The following ANKS1B variants were observed in gnomAD, a reference collection of about 807,000 sequenced individuals.
The protein encoded by ANKS1B is ankyrin repeat and sterile alpha motif domain containing 1B, also known as ankyrin repeat and sterile alpha motif domain-containing protein 1B.
ANKS1B carries 36 observed loss-of-function variants against 148.3 expected under a neutral mutation model. The observed-to-expected ratio is 0.24, with a 90% CI of 0.19 to 0.32. ANKS1B has a LOEUF of 0.32. Among genes scored for constraint, ANKS1B ranks in the 10% least tolerant of loss-of-function variants. The probability of loss-of-function intolerance (pLI) is 1.00; values close to 1 mark genes in which losing one functional copy is unlikely to be tolerated. For missense variants in ANKS1B, 1,157 were observed against 1,542.6 expected, an observed-to-expected ratio of 0.75 and a Z score of 4.19; for synonymous variants, 542 against 560.8, an observed-to-expected ratio of 0.97 and a Z score of 0.47.
intron 25 of ANKS1B, among the ~76,000 whole-genome samples, chr12:98,769,006 G>C (rs1356714405): frequency 6.6e-6 from 1 of 151,942 alleles, no homozygotes; most frequent in Non-Finnish European, 1.5e-5. Flanking sequence ...GATGATATCA[G>C]ATAAAAACAT....
rs149396414 is a variant in ANKS1B at position 99,123,988 on chromosome 12, T to C, written c.2526+30301A>G. ...GAGTGCTCAAGGGAAGAACAGAAGG[T>C]GATGAAATCAGACAGGAAGAGATGA... On this transcript the variant is annotated intron_variant, in intron 15 of 26. Transcript: ENST00000683438. Among the ~76,000 whole-genome samples the C allele has an allele frequency of 1.8e-4, 28 of 152,178 alleles. No homozygotes were observed. The East Asian group carries it at 5.2e-3, about 28-fold the overall frequency.
At chr12:98,992,852 T>A (rs1412266543) in intron 17 of ANKS1B, among the ~76,000 whole-genome samples, 2 of 152,240 alleles carry the variant, frequency 1.3e-5, no homozygotes, top group Non-Finnish European at 2.9e-5. Flanking sequence ...TTCACTAGAA[T>A]GAAAGCTCCA....
chr12:99,201,502 C>A (rs1055590657), intron 14 of ANKS1B, among the ~76,000 whole-genome samples: 5 of 152,126 alleles, frequency 3.3e-5, no homozygotes, highest in African/African-American at 1.2e-4. Context: ...CTTCTTATTT[C>A]TGGAACAGTT....
chr12:99,214,253 G>A (rs1372982084), intron 14 of ANKS1B, among the ~76,000 whole-genome samples: 1 of 152,110 alleles, frequency 6.6e-6, no homozygotes, highest in Non-Finnish European at 1.5e-5. Context: ...GCGTACATGG[G>A]AAATAACTTA....
intron 1 of ANKS1B, among the ~76,000 whole-genome samples, chr12:99,886,913 T>C (rs1278821820): frequency 6.6e-6 from 1 of 152,196 alleles, no homozygotes; most frequent in South Asian, 2.1e-4. Context: ...GCATGACTTA[T>C]AGATTACCTT....
chr12:99,821,024 C>A (rs1448992854), intron 2 of ANKS1B, among the ~76,000 whole-genome samples: 1 of 151,918 alleles, frequency 6.6e-6, no homozygotes, highest in Non-Finnish European at 1.5e-5. Context: ...TTTAAACTTG[C>A]AAAATCAAGA....
intron 12 of ANKS1B, among the ~76,000 whole-genome samples, chr12:99,301,269 A>G (rs139423369): frequency 6.6e-6 from 1 of 152,330 alleles, no homozygotes; most frequent in East Asian, 1.9e-4. Context: ...AATCTCTTCC[A>G]AAAGGACCCA....
chr12:99,293,223 CTA>C (rs1196555130), intron 12 of ANKS1B, among the ~76,000 whole-genome samples: 1 of 151,950 alleles, frequency 6.6e-6, no homozygotes, highest in Non-Finnish European at 1.5e-5. Flanking sequence ...AAGCTGGAAA[CTA>C]TCATTCTGAG....
chr12:99,047,412 A>T (rs1429626405), intron 17 of ANKS1B, among the ~76,000 whole-genome samples: 1 of 152,198 alleles, frequency 6.6e-6, no homozygotes, highest in Non-Finnish European at 1.5e-5. Context: ...AAAAACAAAA[A>T]AATTTAAGAG....
intron 8 of ANKS1B, among the ~76,000 whole-genome samples, chr12:99,724,962 AT>A: frequency 6.6e-6 from 1 of 152,330 alleles, no homozygotes; most frequent in Non-Finnish European, 1.5e-5. Context: ...ATACTGAGGG[AT>A]TTCATCACCA....
chr12:98,775,563 G>T (rs577716285), intron 24 of ANKS1B, among the ~76,000 whole-genome samples: 65 of 151,902 alleles, frequency 4.3e-4, no homozygotes, highest in African/African-American at 1.5e-3. Flanking sequence ...TCCCACCTCA[G>T]CCTCCTGAGT....
At chr12:99,762,785 G>C (rs1281047850) in intron 8 of ANKS1B, among the ~76,000 whole-genome samples, 1 of 152,038 alleles carries the variant, frequency 6.6e-6, no homozygotes, top group South Asian at 2.1e-4. Context: ...CTAATATCCA[G>C]AATCTATAAG....
chr12:98,970,508 C>G (rs59964236), intron 17 of ANKS1B, among the ~76,000 whole-genome samples: 2 of 152,190 alleles, frequency 1.3e-5, no homozygotes, highest in African/African-American at 2.4e-5. Context: ...TAGTTTTTTG[C>G]AATAATCTTA....
intron 25 of ANKS1B, among the ~76,000 whole-genome samples, chr12:98,752,531 G>T (rs1341112237): frequency 6.6e-6 from 1 of 152,080 alleles, no homozygotes; most frequent in Non-Finnish European, 1.5e-5. Context: ...TGCTGGGATT[G>T]CAGGAGTGAG....
chr12:98,887,304 A>G (rs1466026976), intron 17 of ANKS1B, among the ~76,000 whole-genome samples: 1 of 152,060 alleles, frequency 6.6e-6, no homozygotes, highest in East Asian at 1.9e-4. Context: ...CTTAAGTTCC[A>G]AGGTTTTTTA....
chr12:99,024,365 A>G (rs2099947525), intron 17 of ANKS1B, among the ~76,000 whole-genome samples: 1 of 152,164 alleles, frequency 6.6e-6, no homozygotes, highest in South Asian at 2.1e-4. Flanking sequence ...CTTAATATAT[A>G]ATGTGCTGTC....
chr12:99,829,823 C>T (rs181482505), intron 1 of ANKS1B, among the ~76,000 whole-genome samples: 146 of 151,912 alleles, frequency 9.6e-4, no homozygotes, highest in Non-Finnish European at 1.8e-3. Context: ...GAGTGAGATT[C>T]GGTCTCAAAA....
At chr12:99,138,440 C>A (rs528524986) in intron 15 of ANKS1B, among the ~76,000 whole-genome samples, 1 of 152,292 alleles carries the variant, frequency 6.6e-6, no homozygotes, top group East Asian at 1.9e-4. Flanking sequence ...TAATGTAACA[C>A]AAATAACTTC....
intron 22 of ANKS1B, among the ~76,000 whole-genome samples, chr12:98,797,312 A>T (rs370054895): frequency 2.0e-5 from 3 of 152,182 alleles, no homozygotes; most frequent in East Asian, 3.9e-4. Flanking sequence ...CTGGAGTCAG[A>T]CAGACCCGAA....
Sources: gnomAD v4.1 joint callset for allele counts (sites outside exome capture counted in the v4.1 genomes callset) on GRCh38, gnomAD v4.1.1 for gene constraint, MANE v1.5 for transcripts, NCBI Gene and HGNC (gene_info 2026-07-23, HGNC 2026-07-21) for gene names.